PARP15: variants seen among roughly 807,000 people sequenced by gnomAD.
PARP15 encodes protein mono-ADP-ribosyltransferase PARP15.
PARP15 carries 50 observed loss-of-function variants against 62.1 expected under a neutral mutation model. The ratio of observed to expected loss-of-function variants is 0.81; its 90% confidence interval spans 0.64 to 1.02. The LOEUF is 1.02. PARP15 is among the 50% of genes least tolerant of loss of function. PARP15 has a pLI of 0.00. For synonymous variants in PARP15, 309 were observed against 293.1 expected, an observed-to-expected ratio of 1.05 and a Z score of -0.55; for missense variants, 820 against 826.5, an observed-to-expected ratio of 0.99 and a Z score of 0.10.
chr3:122,627,600 A>G (rs1936815686), intron 9 of PARP15, among the ~76,000 whole-genome samples: 1 of 152,300 alleles, frequency 6.6e-6, no homozygotes, highest in East Asian at 1.9e-4. Flanking sequence ...ATTTTGTGGC[A>G]TTTGTACTGC....
At chr3:122,613,922 T>C (rs527973651) in intron 4 of PARP15, among the ~76,000 whole-genome samples, 3 of 147,364 alleles carry the variant, frequency 2.0e-5, no homozygotes, top group Admixed American at 7.0e-5. Flanking sequence ...CTCAGCTCAA[T>C]GCAGCCTCCG....
At chr3:122,604,557 A>G (rs148899410) in intron 1 of PARP15, among the ~76,000 whole-genome samples, 1,825 of 152,176 alleles carry the variant, frequency 0.012, 29 homozygotes, top group African/African-American at 0.041. Context: ...GTCTCTACTA[A>G]AAATACAGAA....
At chr3:122,608,760 CAAGG>C (rs1386581766) in intron 2 of PARP15, among the ~76,000 whole-genome samples, 22 of 149,074 alleles carry the variant, frequency 1.5e-4, no homozygotes, top group African/African-American at 5.5e-4. Flanking sequence ...AACATTACAA[CAAGG>C]TTACTTTTTT....
intron 1 of PARP15, among the ~76,000 whole-genome samples, chr3:122,601,164 C>T (rs1029985174): frequency 6.7e-5 from 10 of 149,676 alleles, no homozygotes; most frequent in Admixed American, 4.0e-4. Context: ...GCTGGGACTA[C>T]AGGTGCTTGC....
chr3:122,617,020 G>C lies in PARP15; in HGVS notation c.856G>C (p.Val286Leu), dbSNP rs1936018089. 2 of 1,613,912 alleles carry C rather than the reference G, an allele frequency of 1.2e-6. No individual in the cohort carries two copies. The highest frequency in any genetic ancestry group is 1.7e-5 in the Admixed American group (1 of 59,990). The change falls in exon 6 of 12, where the codon GTC (valine) becomes CTC (leucine). Residue 286 changes from valine to leucine, a missense_variant. Transcript: ENST00000464300. ...CCTATTTTCTTTCTTTTCAGGTGTG[G>C]TCGGGACTGTCTCTAAGCCTTGTTT... ...IPMAGDTQGV[V>L]GTVSKPCFTA...
chr3:122,611,059 G>C (rs1237426858), intron 3 of PARP15, among the ~76,000 whole-genome samples: 1 of 152,152 alleles, frequency 6.6e-6, no homozygotes, highest in African/African-American at 2.4e-5. Context: ...GACCCTTGGA[G>C]GTAGTAACAT....
chr3:122,610,359 T>C (rs1935472006), intron 2 of PARP15, 135 bp from the exon 3 acceptor site: 2 of 760,174 alleles, frequency 2.6e-6, no homozygotes, highest in Admixed American at 2.9e-5. Context: ...GTAAGCTCCT[T>C]GAGGGTGGGG....
chr3:122,635,339 G>T, intron 11 of PARP15, 145 bp downstream of exon 11: 1 of 657,774 alleles, frequency 1.5e-6, no homozygotes. Flanking sequence ...AAAGGAGACT[G>T]GCAACCTTCT....
intron 1 of PARP15, chr3:122,594,845 T>C: frequency 2.0e-6 from 2 of 983,278 alleles, no homozygotes; most frequent in Non-Finnish European, 2.4e-6. Context: ...CCATTAAGAT[T>C]GAAAATATGC....
At chr3:122,596,078 G>C (rs185645145) in intron 1 of PARP15, among the ~76,000 whole-genome samples, 1 of 152,084 alleles carries the variant, frequency 6.6e-6, no homozygotes, top group East Asian at 1.9e-4. Flanking sequence ...CATAAACATG[G>C]CTGGGTGCGG....
At chr3:122,606,692 C>A (rs1455106984) in intron 2 of PARP15, among the ~76,000 whole-genome samples, 3 of 152,194 alleles carry the variant, frequency 2.0e-5, no homozygotes, top group Admixed American at 6.5e-5. Context: ...GGCCCCACCC[C>A]TAGAGATCCT....
chr3:122,612,883 T>A (rs1935673745), intron 3 of PARP15, among the ~76,000 whole-genome samples, 158 bp from the exon 4 acceptor site: 1 of 152,176 alleles, frequency 6.6e-6, no homozygotes, highest in South Asian at 2.1e-4. Flanking sequence ...CTCTGGAAAG[T>A]ACTCTGCCCT....
chr3:122,620,490 C>T (rs1344722876), intron 7 of PARP15, among the ~76,000 whole-genome samples: 3 of 152,144 alleles, frequency 2.0e-5, no homozygotes, highest in African/African-American at 7.2e-5. Flanking sequence ...AATGTATTCC[C>T]ACAACCGACC....
At chr3:122,635,649 G>A (rs555949020) in intron 11 of PARP15, among the ~76,000 whole-genome samples, 162 bp from the exon 12 acceptor site, 1 of 152,216 alleles carries the variant, frequency 6.6e-6, no homozygotes, top group South Asian at 2.1e-4. Context: ...CTGGCCTTAA[G>A]CAATCCTCTT....
Position 122,613,196 on chromosome 3 carries a change from C to T in PARP15, c.699C>T (p.Ser233=), listed in dbSNP as rs1474771633. 1 of 1,551,794 alleles carries T rather than the reference C, an allele frequency of 6.4e-7. No homozygotes were observed. Among genetic ancestry groups the T allele is most frequent in the Non-Finnish European group, 8.7e-7 (1 of 1,146,926 alleles). Residue 233 remains serine (S), a synonymous_variant, in exon 4 of 12, where the codon AGC becomes AGT. Transcript: ENST00000464300. The part of the protein sequence containing the change: ...ILSEVFEYSS[S]TRPITSPLQE... ...CAGAAGTGTTCGAATACAGTAGCAG[C>T]ACAAGGCCGATAACTAGCCCTTTAC...
chr3:122,602,735 C>G (rs1934893530), intron 1 of PARP15, among the ~76,000 whole-genome samples: 1 of 134,202 alleles, frequency 7.5e-6, no homozygotes, highest in Non-Finnish European at 1.5e-5. Context: ...AAGGGCAAGA[C>G]TTTTTCAGGA....
rs144179976 is a variant in PARP15 at position 122,635,975 on chromosome 3, A to G, written c.1912A>G (p.Lys638Glu). 11 of 1,614,046 alleles carry G rather than the reference A, an allele frequency of 6.8e-6. No homozygotes were observed. The African/African-American group carries it at 9.3e-5, about 14-fold the overall frequency. The part of the protein sequence containing the change: ...GRAGLVTPPP[K>E]NPHNPTDLFD... ...TGCAGGATTAGTCACCCCTCCACCCAAGAATCCTCACAATCCCACAGATCT... is the reference window on the plus strand; with the variant it reads ...TGCAGGATTAGTCACCCCTCCACCCGAGAATCCTCACAATCCCACAGATCT... Residue 638 changes from lysine (K) to glutamate (E), a missense_variant, in exon 12 of 12, where the codon AAG becomes GAG. Transcript: ENST00000464300.
At chr3:122,583,696 T>C (rs1933163105) in intron 1 of PARP15, among the ~76,000 whole-genome samples, 1 of 152,212 alleles carries the variant, frequency 6.6e-6, no homozygotes, top group Non-Finnish European at 1.5e-5. Context: ...TAATCTATAA[T>C]TAATTTTTCC....
At chr3:122,579,999 G>GTGTGTATATATA (rs1553725409) in intron 1 of PARP15, among the ~76,000 whole-genome samples, 4 of 64,474 alleles carry the variant, frequency 6.2e-5, no homozygotes, top group East Asian at 5.2e-4. Flanking sequence ...GCAACTATAT[G>GTGTGTATATATA]TATATATATA....
Sources: gnomAD v4.1 joint callset for allele counts (sites outside exome capture counted in the v4.1 genomes callset) on GRCh38, gnomAD v4.1.1 for gene constraint, MANE v1.5 for transcripts, NCBI Gene and HGNC (gene_info 2026-07-23, HGNC 2026-07-21) for gene names.